Variants in JARID2 observed in about 807,000 individuals in gnomAD.
JARID2 encodes protein Jumonji.
Under a neutral mutation model 125.6 loss-of-function variants are expected in JARID2, and 21 were observed. The observed-to-expected ratio is 0.17, with a 90% CI of 0.12 to 0.24. JARID2 has a LOEUF of 0.24. Among genes scored for constraint, JARID2 ranks in the 10% least tolerant of loss-of-function variants. The pLI is 1.00. For synonymous variants in JARID2, 736 were observed against 661.6 expected, an observed-to-expected ratio of 1.11 and a Z score of -1.73; for missense variants, 1,303 against 1,639.6, an observed-to-expected ratio of 0.79 and a Z score of 3.55.
chr6:15,259,042 C>T (rs1581334075), intron 1 of JARID2, among the ~76,000 whole-genome samples: 1 of 152,196 alleles, frequency 6.6e-6, no homozygotes, highest in African/African-American at 2.4e-5. Context: ...GTGTGAGTCT[C>T]TTTACACCCA....
At chr6:15,348,545 A>C (rs1316038568) in intron 1 of JARID2, among the ~76,000 whole-genome samples, 1 of 152,170 alleles carries the variant, frequency 6.6e-6, no homozygotes, top group Non-Finnish European at 1.5e-5. Flanking sequence ...AAATGCTTTA[A>C]AGTTTGAACT....
At position 15,419,279 on chromosome 6, in the gene JARID2, A is replaced by G. The variant is rs552468796; in HGVS notation, c.323+8914A>G. Among the ~76,000 whole-genome samples, 107 of 152,324 alleles carry G rather than the reference A, an allele frequency of 7.0e-4. 1 individual carries two copies. The highest frequency in any genetic ancestry group is 3.3e-3 in the Admixed American group (51 of 15,292). Reference sequence around the variant, plus strand: ...AAGAGAAGTACTAGTTTAATTTTCAACTTTAGAGTTATCATGGGTGAAATG... The same window carrying G: ...AAGAGAAGTACTAGTTTAATTTTCAGCTTTAGAGTTATCATGGGTGAAATG... On this transcript the variant is annotated intron_variant, in intron 3 of 17. Coordinates refer to ENST00000341776, the MANE Select transcript of JARID2 (RefSeq NM_004973.4).
chr6:15,281,283 C>T (rs769733925), intron 1 of JARID2, among the ~76,000 whole-genome samples: 11 of 152,200 alleles, frequency 7.2e-5, no homozygotes, highest in African/African-American at 2.7e-4. Flanking sequence ...GGATTTGACC[C>T]ACACTGGCTG....
chr6:15,516,252 C>G (rs181238556), intron 16 of JARID2, among the ~76,000 whole-genome samples: 47 of 152,330 alleles, frequency 3.1e-4, no homozygotes, highest in African/African-American at 1.0e-3. Context: ...TCCCCTCAAG[C>G]TTTCTGAGAA....
At chr6:15,488,425 G>A (rs2127719693) in intron 6 of JARID2, among the ~76,000 whole-genome samples, 1 of 152,322 alleles carries the variant, frequency 6.6e-6, no homozygotes, top group East Asian at 1.9e-4. Flanking sequence ...TGGGATCATT[G>A]ATGAGCTTTC....
intron 7 of JARID2, among the ~76,000 whole-genome samples, chr6:15,497,457 C>T (rs377446902): frequency 3.3e-5 from 5 of 151,928 alleles, no homozygotes; most frequent in African/African-American, 7.3e-5. Flanking sequence ...GTCAGGAGAT[C>T]GAGATCACGG....
intron 5 of JARID2, among the ~76,000 whole-genome samples, chr6:15,471,130 C>T (rs76435383): frequency 0.032 from 4,854 of 152,192 alleles, 91 homozygotes; most frequent in South Asian, 0.057. Flanking sequence ...CCTGCAGAGG[C>T]GGGGGTGAAG....
At chr6:15,387,301 A>G (rs1041329521) in intron 2 of JARID2, among the ~76,000 whole-genome samples, 5 of 152,182 alleles carry the variant, frequency 3.3e-5, no homozygotes, top group Non-Finnish European at 5.9e-5. Flanking sequence ...GAAAGTCTGT[A>G]TATTAGTCAG....
chr6:15,501,869 G>T (rs1411302694), intron 8 of JARID2, among the ~76,000 whole-genome samples: 1 of 152,146 alleles, frequency 6.6e-6, no homozygotes, highest in African/African-American at 2.4e-5. Flanking sequence ...TGCATGCTTC[G>T]TTTCCCCTGC....
chr6:15,247,047 T>C (rs1055360072), intron 1 of JARID2, among the ~76,000 whole-genome samples: 3 of 152,360 alleles, frequency 2.0e-5, no homozygotes, highest in Admixed American at 2.0e-4. Context: ...ATGGCGATCT[T>C]CTCTTTGCAC....
chr6:15,438,292 G>A (rs780705963), intron 3 of JARID2, among the ~76,000 whole-genome samples: 1 of 152,100 alleles, frequency 6.6e-6, no homozygotes, highest in African/African-American at 2.4e-5. Context: ...TGAGGCTGGC[G>A]GAATCGGAAA....
At position 15,467,687 on chromosome 6, in the gene JARID2, T is replaced by G. The variant is rs1481445581; in HGVS notation, c.494-855T>G. On this transcript the variant is annotated intron_variant, in intron 4 of 17. Transcript: ENST00000341776. ...CAAGACTCCATCTCCCCACAAAAAATTAGCTGGGTGTGGTGGTGCGCACCT... is the reference window on the plus strand; with the variant it reads ...CAAGACTCCATCTCCCCACAAAAAAGTAGCTGGGTGTGGTGGTGCGCACCT... 3.3e-5 allele frequency among the ~76,000 whole-genome samples: 5 copies of G among 152,080 alleles called. No individual in the cohort carries two copies. In the East Asian group the frequency reaches 9.7e-4, roughly 29 times the overall value.
chr6:15,477,227 C>T (rs1483461248), intron 5 of JARID2, among the ~76,000 whole-genome samples: 1 of 152,102 alleles, frequency 6.6e-6, no homozygotes, highest in Non-Finnish European at 1.5e-5. Flanking sequence ...GAGTTTATCA[C>T]ATTTCTGCTC....
intron 3 of JARID2, among the ~76,000 whole-genome samples, chr6:15,413,023 G>GTTTTTTTTTTTTTTTTTTTTT (rs1349875486): frequency 1.5e-5 from 1 of 68,008 alleles, no homozygotes; most frequent in Non-Finnish European, 2.6e-5. Flanking sequence ...TTTTTTTTTT[G>GTTTTTTTTTTTTTTTTTTTTT]TTTTTTTTTT....
intron 1 of JARID2, among the ~76,000 whole-genome samples, chr6:15,355,671 C>A (rs958478945): frequency 2.0e-5 from 3 of 151,782 alleles, no homozygotes; most frequent in Non-Finnish European, 4.4e-5. Flanking sequence ...AAGTGCAGTG[C>A]TGTGATCCCG....
intron 1 of JARID2, among the ~76,000 whole-genome samples, chr6:15,300,652 A>C (rs1761574468): frequency 6.7e-6 from 1 of 149,582 alleles, no homozygotes; most frequent in Admixed American, 6.6e-5. Context: ...TGGACAGTAG[A>C]ACCTGTTTGC....
intron 1 of JARID2, among the ~76,000 whole-genome samples, chr6:15,350,695 A>G (rs1044792327): frequency 1.4e-5 from 2 of 146,710 alleles, no homozygotes; most frequent in Non-Finnish European, 3.0e-5. Flanking sequence ...CAAGATTCAC[A>G]TGGATTTCAT....
chr6:15,397,793 C>G (rs139446791), intron 2 of JARID2, among the ~76,000 whole-genome samples: 1 of 152,136 alleles, frequency 6.6e-6, no homozygotes, highest in Non-Finnish European at 1.5e-5. Context: ...ACTTCCAGTC[C>G]CAAATATTAT....
chr6:15,306,043 A>C (rs146151286), intron 1 of JARID2, among the ~76,000 whole-genome samples: 6 of 152,194 alleles, frequency 3.9e-5, no homozygotes, highest in African/African-American at 1.4e-4. Context: ...GACCAAATCT[A>C]TCTTTCTAAA....
Sources: allele counts gnomAD v4.1 joint callset (sites outside exome capture counted in the v4.1 genomes callset), GRCh38; gene constraint gnomAD v4.1.1; transcripts MANE v1.5; gene names NCBI Gene and HGNC (gene_info 2026-07-23, HGNC 2026-07-21).